FERMT1: variants seen among roughly 807,000 people sequenced by gnomAD.
FERMT1 encodes the protein fermitin family homolog 1.
FERMT1 carries 60 observed loss-of-function variants against 85.3 expected under a neutral mutation model. The ratio of observed to expected loss-of-function variants is 0.70; its 90% CI spans 0.57 to 0.87. The LOEUF (loss-of-function observed/expected upper bound fraction) is 0.87. Among genes scored for constraint, FERMT1 ranks in the 40% least tolerant of loss-of-function variants. FERMT1 has a pLI of 0.00. For synonymous variants in FERMT1, 275 were observed against 301.1 expected, an observed-to-expected ratio of 0.91 and a Z score of 0.90; for missense variants, 701 against 818.9, an observed-to-expected ratio of 0.86 and a Z score of 1.76.
chr20:6,109,859 G>A (rs931278608), intron 5 of FERMT1, among the ~76,000 whole-genome samples: 3 of 145,802 alleles, frequency 2.1e-5, no homozygotes, highest in Non-Finnish European at 4.5e-5. Context: ...CTGAGATTGC[G>A]CCATTGCACT....
intron 6 of FERMT1, among the ~76,000 whole-genome samples, chr20:6,103,438 G>GTGCTATAAACAC (rs1982714817): frequency 6.6e-6 from 1 of 152,156 alleles, no homozygotes; most frequent in Non-Finnish European, 1.5e-5. Context: ...AAACACCTAG[G>GTGCTATAAACAC]AGTGGATTTG....
rs1981833060 is a variant in FERMT1 at position 6,076,702 on chromosome 20, C to T, written c.*471G>A. 6 of 328,134 alleles carry T rather than the reference C, an allele frequency of 1.8e-5. No homozygotes were observed. The highest frequency in any genetic ancestry group is 1.3e-4 in the South Asian group (5 of 39,732). 20.3% of individuals were successfully genotyped at this position (328,134 alleles called of 1,614,324 possible). A position where few individuals can be genotyped will look rare whatever the true frequency, so the allele number is the denominator to read the frequency against. ...AACTCCCTCTGCCATTTTGAAAAGA[C>T]AGGAGCTAAAAGCAGTTCCATGAAG... On this transcript the variant is annotated 3_prime_UTR_variant, in exon 15 of 15. Coordinates refer to ENST00000217289, the MANE Select transcript of FERMT1 (RefSeq NM_017671.5).
intron 13 of FERMT1, among the ~76,000 whole-genome samples, chr20:6,081,202 G>A (rs527971816): frequency 3.9e-5 from 6 of 151,946 alleles, no homozygotes; most frequent in African/African-American, 1.4e-4. Flanking sequence ...CATGAGCCCA[G>A]GAGTTTGAGG....
chr20:6,106,901 A>C (rs1982810268), intron 6 of FERMT1, among the ~76,000 whole-genome samples: 1 of 152,152 alleles, frequency 6.6e-6, no homozygotes, highest in Admixed American at 6.5e-5. Flanking sequence ...CCTCAGCATT[A>C]AGAACTTCAG....
At position 6,085,185 on chromosome 20, in the gene FERMT1, A is replaced by G; in HGVS notation, c.1474T>C (p.Phe492Leu). The change falls in exon 12 of 15, where the codon TTT becomes CTT. Residue 492 changes from phenylalanine to leucine, a missense_variant. Transcript: ENST00000217289. ...YQPEVLNILSFLRMKNRNSAS... is the reference protein window; with the variant it reads ...YQPEVLNILSLLRMKNRNSAS... ...GAGTTCCTGTTTTTCATCCTCAGAAATGAAAGGATGTTGAGGACCTCTGGC... is the reference window on the plus strand; with the variant it reads ...GAGTTCCTGTTTTTCATCCTCAGAAGTGAAAGGATGTTGAGGACCTCTGGC... 1 of 1,614,152 alleles carries G rather than the reference A, an allele frequency of 6.2e-7. No individual in the cohort carries two copies.
At position 6,082,875 on chromosome 20, in the gene FERMT1, GTCTTGAAC is replaced by G. The variant is rs112117530; in HGVS notation, c.1718+1157_1718+1164del. 2.7e-4 allele frequency among the ~76,000 whole-genome samples: 41 copies of G among 152,082 alleles called. 1 individual carries two copies. The highest frequency in any genetic ancestry group is 3.4e-3 in the Middle Eastern group (1 of 294). ...GGGTTTTGCTACGTTGCCCAGAGTGGTCTTGAACTCTTGAGCTCAGGCAATCCGTCCAC... is the reference window on the plus strand; with the variant it reads ...GGGTTTTGCTACGTTGCCCAGAGTGGTCTTGAGCTCAGGCAATCCGTCCAC... On this transcript the variant is annotated intron_variant, in intron 13 of 14. Transcript: ENST00000217289.
chr20:6,099,371 C>T (rs1348608201), intron 6 of FERMT1, among the ~76,000 whole-genome samples: 1 of 148,698 alleles, frequency 6.7e-6, no homozygotes, highest in African/African-American at 2.5e-5. Context: ...CAGCACTGCA[C>T]TCTAGCCTGG....
At chr20:6,081,277 A>C (rs1308128827) in intron 13 of FERMT1, among the ~76,000 whole-genome samples, 1 of 152,030 alleles carries the variant, frequency 6.6e-6, no homozygotes, top group African/African-American at 2.4e-5. Flanking sequence ...AAAAAAAAAA[A>C]AAACCAAAAA....
Position 6,116,006 on chromosome 20 carries a change from C to T in FERMT1, c.190G>A (p.Glu64Lys), listed in dbSNP as rs2123150767. Residue 64 changes from glutamate to lysine, a missense_variant, in exon 3 of 15, where the codon GAA becomes AAA. Coordinates refer to ENST00000217289, the MANE Select transcript of FERMT1 (RefSeq NM_017671.5). ...TTCAGAAGCCAGCAATGCTTCTGTT[C>T]CCACCAAAGAGCAAAGTCTGACCAG... ...QDWSDFALWWEQKHCWLLKTH... is the reference protein window; with the variant it reads ...QDWSDFALWWKQKHCWLLKTH... 6.2e-7 allele frequency: 1 copy of T among 1,614,066 alleles called. No individual in the cohort carries two copies. Among genetic ancestry groups the T allele is most frequent in the South Asian group, 1.1e-5 (1 of 91,070 alleles).
intron 6 of FERMT1, among the ~76,000 whole-genome samples, chr20:6,105,395 T>A (rs1252714823): frequency 6.6e-6 from 1 of 152,190 alleles, no homozygotes; most frequent in African/African-American, 2.4e-5. Context: ...TTGCATCGAC[T>A]TCGAATGGAA....
chr20:6,084,117 G>C lies in FERMT1; in HGVS notation c.1641C>G (p.Pro547=), dbSNP rs955344029. 2.5e-6 allele frequency: 4 copies of C among 1,613,658 alleles called. No homozygotes were observed. In the African/African-American group the frequency reaches 5.3e-5, roughly 22 times the overall value. Residue 547 remains proline, a synonymous_variant, in exon 13 of 15, where the codon CCC becomes CCG. Transcript: ENST00000217289. Reference sequence around the variant, plus strand: ...TGAACCGCAGCTTGGCTTCGACCAGGGGCATCTGGGCCACGTTCTGGTGCG... The same window carrying C: ...TGAACCGCAGCTTGGCTTCGACCAGCGGCATCTGGGCCACGTTCTGGTGCG... The part of the protein sequence containing the change: ...LEAHQNVAQM[P]LVEAKLRFIQ...
chr20:6,121,213 C>G (rs1389430139), intron 1 of FERMT1, among the ~76,000 whole-genome samples: 1 of 151,732 alleles, frequency 6.6e-6, no homozygotes, highest in Non-Finnish European at 1.5e-5. Context: ...ACCTCTGCCT[C>G]CCGGGTTCAA....
chr20:6,089,201 T>C, intron 9 of FERMT1, 112 bp from the exon 10 acceptor site: 1 of 1,096,658 alleles, frequency 9.1e-7, no homozygotes. Flanking sequence ...CACACTTTGT[T>C]TTTTCAAAAA....
chr20:6,107,771 C>G (rs187502947), intron 5 of FERMT1, 137 bp from the exon 6 acceptor site: 5 of 568,664 alleles, frequency 8.8e-6, no homozygotes, highest in Admixed American at 8.0e-5. Context: ...TTGAGTATCA[C>G]TAATTTGAAA....
chr20:6,110,514 G>A lies in FERMT1; in HGVS notation c.533-3C>T, dbSNP rs1372740058. On this transcript the variant is annotated splice_region_variant and splice_polypyrimidine_tract_variant and intron_variant, in intron 4 of 14. Coordinates refer to ENST00000217289, the MANE Select transcript of FERMT1 (RefSeq NM_017671.5). ...TTTACTGTATAAACCAGGACTTACT[G>A]CAAGGCAGGGGGATCAAGAACTATG... 1 of 1,608,984 alleles carries A rather than the reference G, an allele frequency of 6.2e-7. No individual in the cohort carries two copies. The highest frequency in any genetic ancestry group is 8.5e-7 in the Non-Finnish European group (1 of 1,175,278).
In FERMT1 at chr20:6,085,048, T is replaced by G; in HGVS notation, c.1593+18A>C. On this transcript the variant is annotated intron_variant, in intron 12 of 14. Coordinates refer to ENST00000217289, the MANE Select transcript of FERMT1 (RefSeq NM_017671.5). ...AAGAATTTACTGCAAACAATTGCCC[T>G]AACAAGATTAACAGTACCTGTTTGG... 1 of 1,597,386 alleles carries G rather than the reference T, an allele frequency of 6.3e-7. No individual in the cohort carries two copies. The highest frequency in any genetic ancestry group is 8.6e-7 in the Non-Finnish European group (1 of 1,164,752).
chr20:6,085,768 G>C (rs900008391), intron 11 of FERMT1, among the ~76,000 whole-genome samples: 1 of 151,156 alleles, frequency 6.6e-6, no homozygotes, highest in African/African-American at 2.4e-5. Context: ...GAGATCCCTT[G>C]AACTCAGGAG....
chr20:6,119,556 G>C lies in FERMT1; in HGVS notation c.-2C>G. On this transcript the variant is annotated 5_prime_UTR_variant, in exon 2 of 15. Transcript: ENST00000217289. The stretch of plus-strand genomic sequence containing the variant: ...TGTAAAGTCAGTGGATGACAGCATT[G>C]TGGCAAATGCTGGTGTCTGCTGAAC... 1 of 1,613,618 alleles carries C rather than the reference G, an allele frequency of 6.2e-7. No individual in the cohort carries two copies. Among genetic ancestry groups the C allele is most frequent in the Non-Finnish European group, 8.5e-7 (1 of 1,179,690 alleles).
intron 6 of FERMT1, among the ~76,000 whole-genome samples, chr20:6,102,208 C>G (rs1375706582): frequency 6.6e-6 from 1 of 152,022 alleles, no homozygotes; most frequent in South Asian, 2.1e-4. Flanking sequence ...AGAGACAATG[C>G]TGCATCACAA....
Sources: gnomAD v4.1 joint callset for allele counts (sites outside exome capture counted in the v4.1 genomes callset) on GRCh38, gnomAD v4.1.1 for gene constraint, MANE v1.5 for transcripts, NCBI Gene and HGNC (gene_info 2026-07-23, HGNC 2026-07-21) for gene names.